Variants in DOCK2 observed in about 807,000 individuals in gnomAD.
DOCK2 encodes the protein dedicator of cytokinesis protein 2.
A neutral mutation model predicts 248.9 loss-of-function variants in DOCK2; 87 were observed. That is an observed-to-expected ratio of 0.35 (90% confidence interval 0.29 to 0.42). The LOEUF is 0.42. DOCK2 is among the 10% of genes least tolerant of loss of function. The probability of loss-of-function intolerance (pLI) is 1.00; values close to 1 mark genes in which losing one functional copy is unlikely to be tolerated. For synonymous variants in DOCK2, 805 were observed against 821.6 expected, an observed-to-expected ratio of 0.98 and a Z score of 0.35; for missense variants, 1,747 against 2,300.2, an observed-to-expected ratio of 0.76 and a Z score of 4.92.
chr5:169,839,544 T>C (rs1769812880), intron 26 of DOCK2, among the ~76,000 whole-genome samples: 1 of 152,220 alleles, frequency 6.6e-6, no homozygotes, highest in Non-Finnish European at 1.5e-5. Flanking sequence ...CTAAATGCTA[T>C]GCTGGTAAAA....
chr5:169,871,445 A>G (rs1269516122), intron 27 of DOCK2, among the ~76,000 whole-genome samples: 2 of 152,228 alleles, frequency 1.3e-5, no homozygotes, highest in Non-Finnish European at 2.9e-5. Flanking sequence ...GCTAGACACT[A>G]TGCTACAAGT....
chr5:169,780,184 G>A (rs546889573), intron 25 of DOCK2, among the ~76,000 whole-genome samples: 65 of 152,252 alleles, frequency 4.3e-4, no homozygotes, highest in Admixed American at 2.4e-3. Context: ...AGCCCAGTTT[G>A]CCCTGGTGAT....
At chr5:169,914,855 A>G (rs1408642512) in intron 27 of DOCK2, among the ~76,000 whole-genome samples, 1 of 152,212 alleles carries the variant, frequency 6.6e-6, no homozygotes, top group Non-Finnish European at 1.5e-5. Context: ...CCATGGAGTA[A>G]ATGATCTACA....
chr5:169,969,297 T>C (rs1180487425), intron 27 of DOCK2, among the ~76,000 whole-genome samples: 1 of 151,824 alleles, frequency 6.6e-6, no homozygotes, highest in Admixed American at 6.6e-5. Context: ...ATACAAAAAT[T>C]AGCTGGGTGT....
Position 169,852,477 on chromosome 5 carries a change from A to G in DOCK2, c.2799+11625A>G, listed in dbSNP as rs113578354. Among the ~76,000 whole-genome samples, 1,122 of 152,332 alleles carry G rather than the reference A, an allele frequency of 7.4e-3. 8 individuals are homozygous for G. Among genetic ancestry groups the G allele is most frequent in the Middle Eastern group, 0.024 (7 of 294 alleles). ...GAAAGGAGTTGACAGGCTGGGAGCC[A>G]GTGTCCTCCTTTCCTCAAGAAGGGA... On this transcript the variant is annotated intron_variant, in intron 27 of 51. Transcript: ENST00000520908.
intron 27 of DOCK2, among the ~76,000 whole-genome samples, chr5:169,972,994 A>G (rs1412084318): frequency 6.6e-6 from 1 of 152,130 alleles, no homozygotes; most frequent in Non-Finnish European, 1.5e-5. Context: ...TAGAGGAGGG[A>G]GGAAGTGCTA....
At chr5:169,823,198 G>A (rs980328671) in intron 26 of DOCK2, among the ~76,000 whole-genome samples, 1 of 152,146 alleles carries the variant, frequency 6.6e-6, no homozygotes, top group African/African-American at 2.4e-5. Flanking sequence ...GGTACAAGGA[G>A]GAGCTGATAC....
chr5:169,698,868 G>A (rs757230194), intron 11 of DOCK2, among the ~76,000 whole-genome samples: 5 of 152,152 alleles, frequency 3.3e-5, no homozygotes, highest in African/African-American at 7.2e-5. Flanking sequence ...CGTGTGGCAG[G>A]GAATCCTAAC....
At chr5:169,847,430 A>G (rs1478730849) in intron 27 of DOCK2, among the ~76,000 whole-genome samples, 2 of 152,148 alleles carry the variant, frequency 1.3e-5, no homozygotes, top group East Asian at 3.9e-4. Context: ...TTTAATTTGC[A>G]TTTTCCTGAT....
intron 26 of DOCK2, among the ~76,000 whole-genome samples, chr5:169,831,466 A>G (rs1430266673): frequency 6.6e-6 from 1 of 152,212 alleles, no homozygotes; most frequent in African/African-American, 2.4e-5. Flanking sequence ...CTTTGGACAG[A>G]TTTACAGAAT....
intron 25 of DOCK2, among the ~76,000 whole-genome samples, chr5:169,791,028 C>G (rs377475483): frequency 7.2e-5 from 11 of 152,288 alleles, no homozygotes; most frequent in African/African-American, 2.4e-4. Context: ...CTAGTTTCCT[C>G]AAGGATAACA....
chr5:169,677,090 C>T (rs1464665257), intron 6 of DOCK2, among the ~76,000 whole-genome samples: 1 of 152,152 alleles, frequency 6.6e-6, no homozygotes, highest in Non-Finnish European at 1.5e-5. Context: ...GAGAAACCAA[C>T]ACAGGTGCCT....
chr5:169,867,821 A>G (rs901053299), intron 27 of DOCK2, among the ~76,000 whole-genome samples: 4 of 152,096 alleles, frequency 2.6e-5, no homozygotes, highest in Non-Finnish European at 4.4e-5. Flanking sequence ...TGCACCACCT[A>G]TACTTCATTC....
intron 44 of DOCK2, among the ~76,000 whole-genome samples, chr5:170,065,086 T>C (rs1209191944): frequency 1.3e-5 from 2 of 152,184 alleles, no homozygotes; most frequent in Non-Finnish European, 2.9e-5. Context: ...GAAATTATTT[T>C]TCATGTAAAT....
chr5:169,904,354 G>C (rs2113594931), intron 27 of DOCK2, among the ~76,000 whole-genome samples: 1 of 152,270 alleles, frequency 6.6e-6, no homozygotes, highest in Non-Finnish European at 1.5e-5. Context: ...GCTGAGATGT[G>C]TTGTATTTTT....
intron 26 of DOCK2, among the ~76,000 whole-genome samples, chr5:169,820,122 G>A (rs1391211340): frequency 6.6e-6 from 1 of 152,244 alleles, no homozygotes; most frequent in Admixed American, 6.5e-5. Flanking sequence ...AAGCAGCCAG[G>A]AAGCTCAAAC....
chr5:169,906,373 G>A lies in DOCK2; in HGVS notation c.2799+65521G>A, dbSNP rs556825678. ...TCAATAAGCATTAGCCAGCAAACGG[G>A]CGTTCATCTCAATTAAAACCACCAT... On this transcript the variant is annotated intron_variant, in intron 27 of 51. Transcript: ENST00000520908. Among the ~76,000 whole-genome samples, 147 of 152,258 alleles carry A rather than the reference G, an allele frequency of 9.7e-4. No homozygotes were observed. In the Middle Eastern group the frequency reaches 0.017, roughly 18 times the overall value.
At chr5:169,935,230 CTGTT>C (rs1235346100) in intron 27 of DOCK2, among the ~76,000 whole-genome samples, 1 of 152,204 alleles carries the variant, frequency 6.6e-6, no homozygotes, top group Non-Finnish European at 1.5e-5. Context: ...AATTTGTACA[CTGTT>C]TGCTGTGAGT....
intron 40 of DOCK2, among the ~76,000 whole-genome samples, chr5:170,048,748 C>T (rs1017060430): frequency 5.9e-5 from 9 of 152,192 alleles, no homozygotes; most frequent in African/African-American, 1.9e-4. Context: ...TCAAGTGTCC[C>T]TGGAGCACAG....
Sources: allele counts gnomAD v4.1 joint callset (sites outside exome capture counted in the v4.1 genomes callset), GRCh38; gene constraint gnomAD v4.1.1; transcripts MANE v1.5; gene names NCBI Gene and HGNC (gene_info 2026-07-23, HGNC 2026-07-21).